The following TTLL11 variants were observed in gnomAD, a reference collection of about 807,000 sequenced individuals.
The protein encoded by TTLL11 is tubulin polyglutamylase TTLL11.
A neutral mutation model predicts 51.7 loss-of-function variants in TTLL11; 42 were observed. The observed-to-expected ratio is 0.81, with a 90% CI of 0.64 to 1.05. The LOEUF (loss-of-function observed/expected upper bound fraction) is 1.05, where lower values mean the gene tolerates loss of function less well. Among genes scored for constraint, TTLL11 ranks in the 50% least tolerant of loss-of-function variants. The pLI is 0.00. For missense variants in TTLL11, 799 were observed against 940.4 expected (o/e 0.85, Z 1.97); for synonymous variants, 381 against 383.5 (o/e 0.99, Z 0.08).
At chr9:121,827,321 C>T (rs1257785120) in intron 8 of TTLL11, among the ~76,000 whole-genome samples, 1 of 152,108 alleles carries the variant, frequency 6.6e-6, no homozygotes, top group South Asian at 2.1e-4. Context: ...TGGATCTTCA[C>T]AAGCAGCACA....
intron 3 of TTLL11, among the ~76,000 whole-genome samples, chr9:122,006,419 T>C (rs1190197483): frequency 2.6e-5 from 4 of 152,068 alleles, no homozygotes; most frequent in African/African-American, 9.7e-5. Context: ...GTTTATTTGA[T>C]ATTTCAGAAA....
At chr9:121,895,576 T>G (rs1399789402) in intron 6 of TTLL11, among the ~76,000 whole-genome samples, 1 of 151,426 alleles carries the variant, frequency 6.6e-6, no homozygotes, top group Non-Finnish European at 1.5e-5. Flanking sequence ...TGTGGTTGTG[T>G]GTTTGTGTGA....
At position 121,994,712 on chromosome 9, in the gene TTLL11, G is replaced by A. The variant is rs576713060; in HGVS notation, c.694-4942C>T. Among the ~76,000 whole-genome samples, 141 of 152,324 alleles carry A rather than the reference G, an allele frequency of 9.3e-4. No individual in the cohort carries two copies. In the Middle Eastern group the frequency reaches 0.014, roughly 15 times the overall value. ...AATGTTGGTTTAGAGTTTGAGCAAT[G>A]TCCTAAAATGATGGGGACTCCCTGA... On this transcript the variant is annotated intron_variant, in intron 3 of 8. Transcript: ENST00000321582.
chr9:121,845,685 G>T (rs1670506117), intron 8 of TTLL11, among the ~76,000 whole-genome samples: 1 of 152,124 alleles, frequency 6.6e-6, no homozygotes, highest in Non-Finnish European at 1.5e-5. Flanking sequence ...ATCTGTTAAA[G>T]GGGTATAGTG....
At chr9:121,852,515 C>T (rs540276997) in intron 8 of TTLL11, among the ~76,000 whole-genome samples, 1 of 152,204 alleles carries the variant, frequency 6.6e-6, no homozygotes, top group African/African-American at 2.4e-5. Context: ...GGGAGGCCTA[C>T]ATCAAAAAGA....
At position 121,816,712 on chromosome 9, in the gene TTLL11, T is replaced by TCAGGACCA. The variant is rs1836423186; in HGVS notation, c.*5874_*5875insTGGTCCTG. On this transcript the variant is annotated 3_prime_UTR_variant, in exon 9 of 9. Transcript: ENST00000321582. ...TCGTGTGTGCGTGCGTGTGTGTGCA[T>TCAGGACCA]GCATGCGCGCGTGTGTGTATAAGCA... The TCAGGACCA allele has an allele frequency of 6.6e-6, 1 of 152,166 alleles. No individual in the cohort carries two copies. The highest frequency in any genetic ancestry group is 1.5e-5 in the Non-Finnish European group (1 of 68,046). 9.4% of individuals were successfully genotyped at this position (152,166 alleles called of 1,614,324 possible).
intron 8 of TTLL11, among the ~76,000 whole-genome samples, chr9:121,833,697 A>G (rs912467450): frequency 1.3e-5 from 2 of 152,168 alleles, no homozygotes; most frequent in African/African-American, 2.4e-5. Context: ...TTTCAAGCCC[A>G]CACTCTTTTT....
intron 1 of TTLL11, among the ~76,000 whole-genome samples, 160 bp from the exon 2 acceptor site, chr9:122,039,528 TG>T (rs548217164): frequency 6.6e-6 from 1 of 152,200 alleles, no homozygotes; most frequent in Non-Finnish European, 1.5e-5. Flanking sequence ...ATTTTACAGA[TG>T]AGGAAACAGA....
At chr9:121,879,984 G>T (rs1200231132) in intron 6 of TTLL11, among the ~76,000 whole-genome samples, 1 of 151,348 alleles carries the variant, frequency 6.6e-6, no homozygotes, top group Admixed American at 6.6e-5. Context: ...AAAAAGAAAA[G>T]AAAAAAGAAA....
At chr9:121,823,876 G>C (rs940956094) in intron 8 of TTLL11, among the ~76,000 whole-genome samples, 1 of 152,070 alleles carries the variant, frequency 6.6e-6, no homozygotes, top group African/African-American at 2.4e-5. Flanking sequence ...TTATCTTTGG[G>C]ACCTGAGCTC....
chr9:122,037,514 C>T (rs1331486640), intron 2 of TTLL11, among the ~76,000 whole-genome samples: 1 of 152,090 alleles, frequency 6.6e-6, no homozygotes, highest in African/African-American at 2.4e-5. Flanking sequence ...TGGTAAATTG[C>T]ATAGATATCT....
intron 6 of TTLL11, among the ~76,000 whole-genome samples, chr9:121,965,552 T>C (rs1032325643): frequency 2.0e-5 from 3 of 152,060 alleles, no homozygotes; most frequent in Non-Finnish European, 2.9e-5. Flanking sequence ...GAGATTTGGG[T>C]AGGGACACAG....
At chr9:122,064,043 A>C (rs1242256474) in intron 1 of TTLL11, among the ~76,000 whole-genome samples, 1 of 152,248 alleles carries the variant, frequency 6.6e-6, no homozygotes, top group Non-Finnish European at 1.5e-5. Flanking sequence ...TTCACACATC[A>C]ATGTTCTTAT....
At chr9:121,997,017 G>A (rs919266505) in intron 3 of TTLL11, among the ~76,000 whole-genome samples, 1 of 152,142 alleles carries the variant, frequency 6.6e-6, no homozygotes, top group African/African-American at 2.4e-5. Context: ...AGCATCACAC[G>A]GCTGCTCAAG....
chr9:122,086,185 G>A (rs1013321214), intron 1 of TTLL11, among the ~76,000 whole-genome samples: 2 of 152,166 alleles, frequency 1.3e-5, no homozygotes, highest in Non-Finnish European at 2.9e-5. Context: ...ATTTATAGGA[G>A]TTATAGAGCT....
intron 6 of TTLL11, among the ~76,000 whole-genome samples, chr9:121,931,626 T>G (rs1246532678): frequency 2.7e-5 from 4 of 149,438 alleles, no homozygotes; most frequent in African/African-American, 4.9e-5. Flanking sequence ...GAAAGAAATA[T>G]TCAAGCCCCA....
intron 6 of TTLL11, among the ~76,000 whole-genome samples, chr9:121,962,933 T>C (rs1484084565): frequency 6.6e-6 from 1 of 152,224 alleles, no homozygotes; most frequent in East Asian, 1.9e-4. Flanking sequence ...TGGATAGGCA[T>C]GAACCCAACC....
At chr9:121,941,502 A>G (rs1214128012) in intron 6 of TTLL11, among the ~76,000 whole-genome samples, 1 of 152,108 alleles carries the variant, frequency 6.6e-6, no homozygotes, top group Admixed American at 6.5e-5. Context: ...CCTGGAATCT[A>G]TTCTTCCTGT....
intron 6 of TTLL11, among the ~76,000 whole-genome samples, chr9:121,973,513 A>T (rs945249533): frequency 6.7e-6 from 1 of 150,306 alleles, no homozygotes; most frequent in Non-Finnish European, 1.5e-5. Flanking sequence ...TCCGTATGGA[A>T]TTCTGGGTTG....
Sources: allele counts gnomAD v4.1 joint callset (sites outside exome capture counted in the v4.1 genomes callset), GRCh38; gene constraint gnomAD v4.1.1; transcripts MANE v1.5; gene names NCBI Gene and HGNC (gene_info 2026-07-23, HGNC 2026-07-21).